The following FHOD3 variants were observed in gnomAD, a reference collection of about 807,000 sequenced individuals.
FHOD3 encodes the protein FH1/FH2 domain-containing protein 3.
In FHOD3, 90 loss-of-function variants were observed where a neutral mutation model predicts 173.0. The observed-to-expected ratio is 0.52, with a 90% CI of 0.44 to 0.62. FHOD3 has a LOEUF of 0.62. Among genes scored for constraint, FHOD3 ranks in the 20% least tolerant of loss-of-function variants. The probability of loss-of-function intolerance (pLI) is 0.00; values close to 1 mark genes in which losing one functional copy is unlikely to be tolerated. For synonymous variants in FHOD3, 828 were observed against 823.0 expected, an observed-to-expected ratio of 1.01 and a Z score of -0.10; for missense variants, 1,945 against 2,034.7, an observed-to-expected ratio of 0.96 and a Z score of 0.85.
At chr18:36,427,943 A>C (rs2050338165) in intron 3 of FHOD3, among the ~76,000 whole-genome samples, 1 of 152,226 alleles carries the variant, frequency 6.6e-6, no homozygotes, top group African/African-American at 2.4e-5. Flanking sequence ...ATTAGAATAC[A>C]AAATAGGTTT....
intron 28 of FHOD3, among the ~76,000 whole-genome samples, chr18:36,774,143 C>G (rs1466138871): frequency 2.0e-5 from 3 of 152,214 alleles, no homozygotes; most frequent in Admixed American, 6.5e-5. Flanking sequence ...CAACATGACT[C>G]ATAGGAGGAG....
At chr18:36,643,701 A>C (rs2149011984) in intron 10 of FHOD3, among the ~76,000 whole-genome samples, 1 of 152,364 alleles carries the variant, frequency 6.6e-6, no homozygotes, top group Admixed American at 6.5e-5. Flanking sequence ...ATTGATAATC[A>C]GAATAAAATA....
intron 3 of FHOD3, among the ~76,000 whole-genome samples, chr18:36,405,899 A>G (rs1226229754): frequency 6.6e-6 from 1 of 152,170 alleles, no homozygotes. Context: ...TATTTAAAAC[A>G]TGGCATTTCA....
At chr18:36,665,459 G>A (rs997209377) in intron 14 of FHOD3, among the ~76,000 whole-genome samples, 1 of 152,158 alleles carries the variant, frequency 6.6e-6, no homozygotes, top group Non-Finnish European at 1.5e-5. Flanking sequence ...AAAGAGAGAG[G>A]CAATCAAACT....
intron 2 of FHOD3, among the ~76,000 whole-genome samples, chr18:36,362,817 T>C (rs2046699987): frequency 6.6e-6 from 1 of 152,196 alleles, no homozygotes; most frequent in Non-Finnish European, 1.5e-5. Context: ...TTTTTGACTA[T>C]ATTTTTATCA....
chr18:36,340,803 A>AT (rs376379700), intron 1 of FHOD3, among the ~76,000 whole-genome samples: 244 of 151,114 alleles, frequency 1.6e-3, no homozygotes, highest in African/African-American at 5.7e-3. Context: ...CGCCCGGCTA[A>AT]TTTTTTTGTA....
intron 6 of FHOD3, among the ~76,000 whole-genome samples, chr18:36,588,195 G>A (rs1222795162): frequency 4.6e-5 from 7 of 152,238 alleles, no homozygotes; most frequent in African/African-American, 1.7e-4. Context: ...AGTCTGGGAT[G>A]TCTGTTGGAT....
intron 3 of FHOD3, among the ~76,000 whole-genome samples, chr18:36,467,040 C>T (rs111932507): frequency 7.6e-4 from 116 of 152,288 alleles, no homozygotes; most frequent in Non-Finnish European, 1.5e-3. Context: ...CCTGCCCCAT[C>T]TCAGTTTGGA....
intron 5 of FHOD3, among the ~76,000 whole-genome samples, chr18:36,550,105 T>A (rs1388154462): frequency 6.6e-6 from 1 of 151,770 alleles, no homozygotes. Context: ...TTTAGTTTCC[T>A]TAGTATCTAG....
chr18:36,338,182 T>C (rs919895922), intron 1 of FHOD3, among the ~76,000 whole-genome samples: 1 of 152,210 alleles, frequency 6.6e-6, no homozygotes, highest in Non-Finnish European at 1.5e-5. Flanking sequence ...AAACTGCACA[T>C]TTAATCATAT....
chr18:36,389,129 A>C (rs2048173764), intron 3 of FHOD3, among the ~76,000 whole-genome samples: 2 of 151,842 alleles, frequency 1.3e-5, no homozygotes, highest in Admixed American at 1.3e-4. Flanking sequence ...TGTGTAGATG[A>C]CATCTTGCTG....
intron 3 of FHOD3, among the ~76,000 whole-genome samples, chr18:36,493,869 C>T (rs986454611): frequency 3.9e-5 from 6 of 152,154 alleles, no homozygotes; most frequent in Admixed American, 2.6e-4. Flanking sequence ...GCTCTGGGGA[C>T]GTGGTCCAGG....
chr18:36,372,485 G>T (rs1396991677), intron 2 of FHOD3, among the ~76,000 whole-genome samples, 195 bp from the exon 3 acceptor site: 1 of 152,210 alleles, frequency 6.6e-6, no homozygotes, highest in Non-Finnish European at 1.5e-5. Context: ...AACAAAGTCA[G>T]ACTTCTTTAT....
At chr18:36,516,021 C>T (rs753937071) in intron 5 of FHOD3, among the ~76,000 whole-genome samples, 1 of 152,180 alleles carries the variant, frequency 6.6e-6, no homozygotes. Flanking sequence ...TTTCTTGGGA[C>T]GTGACATTTG....
intron 25 of FHOD3, among the ~76,000 whole-genome samples, chr18:36,756,236 C>CT (rs1421895468): frequency 6.6e-6 from 1 of 152,146 alleles, no homozygotes; most frequent in Non-Finnish European, 1.5e-5. Flanking sequence ...ACTATTTATT[C>CT]TTTCTTGAAC....
chr18:36,623,042 G>A (rs2033830996), intron 9 of FHOD3, among the ~76,000 whole-genome samples: 1 of 152,204 alleles, frequency 6.6e-6, no homozygotes, highest in African/African-American at 2.4e-5. Flanking sequence ...GTTTTAAGTA[G>A]CTTGATGTTT....
At chr18:36,526,279 CTT>C (rs34051278) in intron 5 of FHOD3, among the ~76,000 whole-genome samples, 2 of 152,016 alleles carry the variant, frequency 1.3e-5, no homozygotes, top group African/African-American at 4.8e-5. Context: ...TGAAATCATT[CTT>C]TTTTTCCCCC....
chr18:36,499,223 C>G (rs937707282), intron 3 of FHOD3, among the ~76,000 whole-genome samples: 4 of 152,216 alleles, frequency 2.6e-5, no homozygotes, highest in African/African-American at 9.6e-5. Flanking sequence ...TCTGTCTCAG[C>G]TTCCCAAGTA....
intron 21 of FHOD3, among the ~76,000 whole-genome samples, chr18:36,741,935 C>T (rs1226298960): frequency 1.3e-5 from 2 of 151,916 alleles, no homozygotes; most frequent in African/African-American, 4.8e-5. Context: ...AGGAAGACAC[C>T]TAGGGATTGC....
Sources: allele counts gnomAD v4.1 joint callset (sites outside exome capture counted in the v4.1 genomes callset), GRCh38; gene constraint gnomAD v4.1.1; transcripts MANE v1.5; gene names NCBI Gene and HGNC (gene_info 2026-07-23, HGNC 2026-07-21).